Variants in TPM4 observed in about 807,000 individuals in gnomAD.
TPM4 encodes the protein tropomyosin alpha-4 chain.
Under a neutral mutation model 35.8 loss-of-function variants are expected in TPM4, and 17 were observed. The ratio of observed to expected loss-of-function variants is 0.47; its 90% CI spans 0.32 to 0.71. The LOEUF (loss-of-function observed/expected upper bound fraction) is 0.71, where lower values mean the gene tolerates loss of function less well. Among genes scored for constraint, TPM4 ranks in the 30% least tolerant of loss-of-function variants. The pLI, the probability that TPM4 is intolerant of heterozygous loss-of-function variation, is 0.03. For missense variants in TPM4, 240 were observed against 320.9 expected (o/e 0.75, Z 1.93); for synonymous variants, 120 against 122.9 (o/e 0.98, Z 0.15).
At chr19:16,097,155 T>C (rs1347908362) in intron 7 of TPM4, among the ~76,000 whole-genome samples, 1 of 151,920 alleles carries the variant, frequency 6.6e-6, no homozygotes. Flanking sequence ...GGTTTCACCA[T>C]GTTAGCTAGG....
chr19:16,077,513 G>A (rs79466985), intron 1 of TPM4: 12,406 of 152,306 alleles, frequency 0.081, 696 homozygotes, highest in South Asian at 0.24. Flanking sequence ...CATCCTCTCT[G>A]CATCATCCTC....
chr19:16,093,500 C>T (rs748454637), intron 5 of TPM4, 36 bp from the exon 6 acceptor site: 2 of 1,612,630 alleles, frequency 1.2e-6, no homozygotes, highest in Non-Finnish European at 1.7e-6. Flanking sequence ...GGCTGGGCCT[C>T]CTTTTCTTAA....
At position 16,093,828 on chromosome 19, in the gene TPM4, T is replaced by C. The variant is rs1011314249; in HGVS notation, c.664+75T>C. 301 of 1,561,434 alleles carry C rather than the reference T, an allele frequency of 1.9e-4. 1 individual carries two copies. Among genetic ancestry groups the C allele is most frequent in the Non-Finnish European group, 2.4e-4 (273 of 1,136,904 alleles). On this transcript the variant is annotated intron_variant, in intron 7 of 7. Transcript: ENST00000643579. The stretch of plus-strand genomic sequence containing the variant: ...GACACATCCACGGACAGTTGGGGAA[T>C]GTTTGTGGAGGGGCTGGGTTGGGCT...
chr19:16,078,000 C>G lies in TPM4; in HGVS notation c.132+1303C>G, dbSNP rs147190283. 4.3e-3 allele frequency: 1,693 copies of G among 391,466 alleles called. 8 individuals are homozygous for G. The highest frequency in any genetic ancestry group is 0.015 in the Middle Eastern group (23 of 1,568). The allele number at this position is 391,466 out of a possible 1,614,324, so 24.2% of individuals were successfully genotyped here. Reference sequence around the variant, plus strand: ...ATGCTGGCCAGGCTGGTCTCGAACTCCTGACCTCGTGATCTGCCCACCTTG... The same window carrying G: ...ATGCTGGCCAGGCTGGTCTCGAACTGCTGACCTCGTGATCTGCCCACCTTG... On this transcript the variant is annotated intron_variant, in intron 1 of 7. Coordinates refer to ENST00000643579, the MANE Select transcript of TPM4 (RefSeq NM_003290.3).
upstream of TPM4, chr19:16,075,677 G>A (rs993402699): frequency 1.6e-5 from 3 of 185,200 alleles, no homozygotes; most frequent in Non-Finnish European, 3.4e-5. Context: ...GGATCCACGC[G>A]CAGAGAATGA....
intron 1 of TPM4, 105 bp from the exon 2 acceptor site, chr19:16,081,808 C>A: frequency 7.2e-7 from 1 of 1,393,296 alleles, no homozygotes; most frequent in Non-Finnish European, 9.5e-7. Context: ...CCTGGGTGGG[C>A]TTTGACGGGG....
upstream of TPM4, chr19:16,075,962 G>C: frequency 9.9e-6 from 15 of 1,512,418 alleles, no homozygotes; most frequent in South Asian, 1.9e-4. Flanking sequence ...GAGGACTCTT[G>C]TGAATATTGG....
intron 3 of TPM4, 141 bp downstream of exon 3, chr19:16,086,681 G>A (rs2090558397): frequency 1.5e-6 from 1 of 668,272 alleles, no homozygotes; most frequent in Non-Finnish European, 2.6e-6. Context: ...TTTGTCCAGA[G>A]ACAACCACTT....
chr19:16,073,479 C>T (rs2090374172), upstream of TPM4, among the ~76,000 whole-genome samples: 1 of 152,152 alleles, frequency 6.6e-6, no homozygotes, highest in Admixed American at 6.5e-5. Context: ...TTCTGTTCTG[C>T]AGATGGAGAA....
intron 7 of TPM4, 83 bp from the exon 8 acceptor site, chr19:16,101,181 A>T: frequency 2.4e-6 from 3 of 1,251,750 alleles, no homozygotes; most frequent in Non-Finnish European, 3.3e-6. Context: ...AAGAAGAAGA[A>T]AAAAAAACAA....
chr19:16,097,935 C>T (rs551891133), intron 7 of TPM4, among the ~76,000 whole-genome samples: 12 of 152,322 alleles, frequency 7.9e-5, no homozygotes, highest in Non-Finnish European at 1.6e-4. Flanking sequence ...TGCCGTCCAT[C>T]CTGAACTTCT....
At chr19:16,090,697 C>T (rs1359506078) in intron 5 of TPM4, among the ~76,000 whole-genome samples, 2 of 152,084 alleles carry the variant, frequency 1.3e-5, no homozygotes, top group South Asian at 2.1e-4. Flanking sequence ...ATTATAGTTA[C>T]TCCATTAATT....
intron 4 of TPM4, chr19:16,088,406 C>T: frequency 1.6e-6 from 2 of 1,223,888 alleles, no homozygotes; most frequent in Non-Finnish European, 2.1e-6. Context: ...GGGGGCTGTG[C>T]CATCTTAACA....
upstream of TPM4, among the ~76,000 whole-genome samples, chr19:16,073,964 A>AC (rs1555706560): frequency 8.9e-4 from 29 of 32,452 alleles, no homozygotes; most frequent in African/African-American, 2.6e-3. Context: ...AAAAAAACGC[A>AC]AAAAAAAAAA....
upstream of TPM4, among the ~76,000 whole-genome samples, chr19:16,072,672 T>C (rs762077069): frequency 3.2e-4 from 49 of 152,182 alleles, no homozygotes; most frequent in Non-Finnish European, 5.6e-4. Context: ...ATCCCAGCAC[T>C]TCAGGAGGCT....
chr19:16,079,518 A>G (rs1486506592), intron 1 of TPM4, among the ~76,000 whole-genome samples: 1 of 152,136 alleles, frequency 6.6e-6, no homozygotes, highest in Non-Finnish European at 1.5e-5. Context: ...AATTCTCTGC[A>G]TTTGGTGTTT....
At chr19:16,083,690 C>T (rs952290332) in intron 2 of TPM4, among the ~76,000 whole-genome samples, 1 of 145,786 alleles carries the variant, frequency 6.9e-6, no homozygotes, top group African/African-American at 2.8e-5. Flanking sequence ...CCCTCATTCA[C>T]ACCGGAGTTC....
In TPM4 at chr19:16,081,954, C is replaced by G. The variant is rs371075997; in HGVS notation, c.174C>G (p.Leu58=). ...DVAALNRRIQ[L]VEEELDRAQE... ...CCGCCCTCAACCGACGCATCCAGCT[C>G]GTTGAGGAGGAGTTGGACAGGGCTC... Residue 58 remains leucine (L), a synonymous_variant, in exon 2 of 8, where the codon CTC becomes CTG. Transcript: ENST00000643579. 1 of 1,608,738 alleles carries G rather than the reference C, an allele frequency of 6.2e-7. No homozygotes were observed. Among genetic ancestry groups the G allele is most frequent in the Non-Finnish European group, 8.5e-7 (1 of 1,175,704 alleles).
chr19:16,093,492 C>G (rs1156675298), intron 5 of TPM4, 44 bp from the exon 6 acceptor site: 1 of 1,609,972 alleles, frequency 6.2e-7, no homozygotes, highest in African/African-American at 1.3e-5. Context: ...CCATGCCTGG[C>G]TGGGCCTCCT....
Sources: gnomAD v4.1 joint callset for allele counts (sites outside exome capture counted in the v4.1 genomes callset) on GRCh38, gnomAD v4.1.1 for gene constraint, MANE v1.5 for transcripts, NCBI Gene and HGNC (gene_info 2026-07-23, HGNC 2026-07-21) for gene names.